ST3GAL5: variants seen among roughly 807,000 people sequenced by gnomAD.
The protein encoded by ST3GAL5 is ST3 beta-galactoside alpha-2,3-sialyltransferase 5.
Under a neutral mutation model 46.1 loss-of-function variants are expected in ST3GAL5, and 25 were observed. That is an observed-to-expected ratio of 0.54 (90% CI 0.40 to 0.76). The LOEUF is 0.76. Ranked by LOEUF, ST3GAL5 falls within the 30% of genes least tolerant of loss-of-function variation. ST3GAL5 has a pLI of 0.00. For missense variants in ST3GAL5, 431 were observed against 521.2 expected (o/e 0.83, Z 1.69); for synonymous variants, 182 against 192.7 (o/e 0.94, Z 0.46).
chr2:85,842,659 T>G (rs1285548264), intron 6 of ST3GAL5, among the ~76,000 whole-genome samples: 1 of 152,188 alleles, frequency 6.6e-6, no homozygotes, highest in Non-Finnish European at 1.5e-5. Context: ...AGTAGAAGTC[T>G]TCTATAGACT....
chr2:85,839,853 T>A lies in ST3GAL5; in HGVS notation c.*291A>T. 2.3e-6 allele frequency: 1 copy of A among 432,738 alleles called. No individual in the cohort carries two copies. The highest frequency in any genetic ancestry group is 5.0e-5 in the East Asian group (1 of 20,058). The allele number at this position is 432,738 out of a possible 1,614,324, so 26.8% of individuals were successfully genotyped here. ...CGAGCAGAAGTTTTACAAATTAAATTACTTTCTTAAAAATCAATACAACAT... is the reference window on the plus strand; with the variant it reads ...CGAGCAGAAGTTTTACAAATTAAATAACTTTCTTAAAAATCAATACAACAT... On this transcript the variant is annotated 3_prime_UTR_variant, in exon 7 of 7. Transcript: ENST00000638572.
chr2:85,863,722 T>C (rs75468417), intron 1 of ST3GAL5, among the ~76,000 whole-genome samples: 1 of 152,062 alleles, frequency 6.6e-6, no homozygotes, highest in Admixed American at 6.5e-5. Flanking sequence ...TTTTTTTTTT[T>C]TCTGAGACGG....
At chr2:85,876,486 C>T (rs1389793412) in intron 1 of ST3GAL5, among the ~76,000 whole-genome samples, 6 of 123,538 alleles carry the variant, frequency 4.9e-5, no homozygotes, top group African/African-American at 1.8e-4. Context: ...TTTTTTGAGA[C>T]GGAGTCTCAC....
Position 85,848,154 on chromosome 2 carries a change from C to A in ST3GAL5, c.369G>T (p.Lys123Asn). 1 of 1,614,198 alleles carries A rather than the reference C, an allele frequency of 6.2e-7. No individual in the cohort carries two copies. Among genetic ancestry groups the A allele is most frequent in the South Asian group, 1.1e-5 (1 of 91,086 alleles). ...ACAGCGCCATTGATGTCTTGGCAAA[C>A]TTGGGACGACATTCCTTCTGCAAGA... is the stretch of plus-strand genomic sequence containing the variant. ...QQVLQKECRP[K>N]FAKTSMALLF... The change falls in exon 4 of 7, where the codon AAG (lysine) becomes AAT (asparagine). Residue 123 changes from lysine (K) to asparagine (N), a missense_variant. Coordinates refer to ENST00000638572, the MANE Select transcript of ST3GAL5 (RefSeq NM_003896.4).
At chr2:85,882,486 G>A (rs1334943581) in intron 1 of ST3GAL5, among the ~76,000 whole-genome samples, 2 of 152,186 alleles carry the variant, frequency 1.3e-5, no homozygotes, top group South Asian at 4.1e-4. Context: ...CTTACCTCTT[G>A]TATCAGCATG....
chr2:85,885,744 G>A (rs990538024), intron 1 of ST3GAL5, among the ~76,000 whole-genome samples: 1 of 151,326 alleles, frequency 6.6e-6, no homozygotes. Context: ...AGAATGGCGT[G>A]AACCCCGGAG....
intron 1 of ST3GAL5, among the ~76,000 whole-genome samples, chr2:85,868,452 C>T (rs565761949): frequency 2.6e-5 from 4 of 151,822 alleles, no homozygotes; most frequent in Admixed American, 2.6e-4. Context: ...CAGGCACACA[C>T]CACCATGCCG....
chr2:85,847,379 TACTG>T (rs1266182790), intron 4 of ST3GAL5: 1 of 996,266 alleles, frequency 1.0e-6, no homozygotes, highest in Non-Finnish European at 1.2e-6. Context: ...TTCTGCCACT[TACTG>T]TAGCCAGCAG....
chr2:85,874,516 C>T (rs748131497), intron 1 of ST3GAL5, among the ~76,000 whole-genome samples: 7 of 152,046 alleles, frequency 4.6e-5, no homozygotes, highest in Non-Finnish European at 8.8e-5. Context: ...CCACCATCTC[C>T]GTTCTGGTTT....
At chr2:85,849,683 C>G (rs567124048) in intron 3 of ST3GAL5, 2 of 152,302 alleles carry the variant, frequency 1.3e-5, no homozygotes, top group South Asian at 4.2e-4. Context: ...ATATGGTATG[C>G]GTGTCCATTC....
chr2:85,874,798 C>A (rs1268942950), intron 1 of ST3GAL5, among the ~76,000 whole-genome samples: 2 of 151,092 alleles, frequency 1.3e-5, no homozygotes, highest in Admixed American at 6.6e-5. Flanking sequence ...CAGTGGCCTG[C>A]AACTAGATCC....
chr2:85,887,967 T>G (rs1175511138), intron 1 of ST3GAL5: 4 of 152,238 alleles, frequency 2.6e-5, no homozygotes, highest in African/African-American at 9.7e-5. Flanking sequence ...CATGCATGAC[T>G]TAAGACATGA....
chr2:85,857,555 G>T (rs796801281), intron 3 of ST3GAL5, among the ~76,000 whole-genome samples: 1 of 140,554 alleles, frequency 7.1e-6, no homozygotes, highest in African/African-American at 2.7e-5. Context: ...AAAAAAAAAA[G>T]AGAAAAGGAA....
Position 85,852,779 on chromosome 2 carries a change from A to C in ST3GAL5, c.319-4575T>G, listed in dbSNP as rs1272799590. On this transcript the variant is annotated intron_variant, in intron 3 of 6. Coordinates refer to ENST00000638572, the MANE Select transcript of ST3GAL5 (RefSeq NM_003896.4). The stretch of plus-strand genomic sequence containing the variant: ...AATAATCAGGAGATCTGGAGGCTGG[A>C]CTCAGTTCTAGATTGATTTAACTAG... 3 of 823,612 alleles carry C rather than the reference A, an allele frequency of 3.6e-6. No homozygotes were observed. The African/African-American group carries it at 5.5e-5, about 15-fold the overall frequency. 51.0% of individuals were successfully genotyped at this position (823,612 alleles called of 1,614,324 possible). A position where few individuals can be genotyped will look rare whatever the true frequency, so the allele number is the denominator to read the frequency against.
intron 3 of ST3GAL5, 178 bp from the exon 4 acceptor site, chr2:85,848,382 CTGG>C: frequency 6.5e-7 from 1 of 1,547,702 alleles, no homozygotes; most frequent in Non-Finnish European, 8.7e-7. Flanking sequence ...AAGAAACAAC[CTGG>C]GAGAATCACA....
chr2:85,872,786 G>T (rs973836260), intron 1 of ST3GAL5, among the ~76,000 whole-genome samples: 1 of 152,166 alleles, frequency 6.6e-6, no homozygotes, highest in Non-Finnish European at 1.5e-5. Context: ...TACCATCCGT[G>T]GGGAAGGGAG....
chr2:85,873,640 A>G (rs767678417), intron 1 of ST3GAL5, among the ~76,000 whole-genome samples: 80 of 152,018 alleles, frequency 5.3e-4, no homozygotes, highest in Non-Finnish European at 2.9e-4. Flanking sequence ...GAAGAGGAGA[A>G]AATGCCATGG....
Position 85,861,227 on chromosome 2 carries a change from T to C in ST3GAL5, c.272A>G (p.Glu91Gly). Residue 91 changes from glutamate to glycine, a missense_variant, in exon 3 of 7, where the codon GAA becomes GGA. Glu to Gly is a moderately conservative substitution (Grantham distance 98). Transcript: ENST00000638572. ...ATAATGCATTTTTTTCATGTCACAT[T>C]CTTCAGTAGTATAATTTAACTTGAG... ...YILKLNYTTE[E>G]CDMKKMHYVD... 1 of 1,613,628 alleles carries C rather than the reference T, an allele frequency of 6.2e-7. No individual in the cohort carries two copies. The highest frequency in any genetic ancestry group is 8.5e-7 in the Non-Finnish European group (1 of 1,179,678).
At chr2:85,876,844 C>T (rs76117332) in intron 1 of ST3GAL5, among the ~76,000 whole-genome samples, 10 of 152,242 alleles carry the variant, frequency 6.6e-5, no homozygotes, top group African/African-American at 2.2e-4. Flanking sequence ...TCTATAATGA[C>T]CACGGAAAGG....
Sources: gnomAD v4.1 joint callset for allele counts (sites outside exome capture counted in the v4.1 genomes callset) on GRCh38, gnomAD v4.1.1 for gene constraint, MANE v1.5 for transcripts, NCBI Gene and HGNC (gene_info 2026-07-23, HGNC 2026-07-21) for gene names.